Variants in C16orf74 observed in about 807,000 individuals in gnomAD.
C16orf74 encodes uncharacterized protein C16orf74.
C16orf74 carries 10 observed loss-of-function variants against 6.5 expected under a neutral mutation model. The ratio of observed to expected loss-of-function variants is 1.54; its 90% confidence interval spans 0.95 to 2.61. The LOEUF (loss-of-function observed/expected upper bound fraction) is 2.61. Among genes scored for constraint, C16orf74 ranks in the 30% most tolerant of loss-of-function variants. The pLI is 0.00. For missense variants in C16orf74, 141 were observed against 105.9 expected (o/e 1.33, Z -1.45); for synonymous variants, 60 against 42.5 (o/e 1.41, Z -1.60).
intron 3 of C16orf74, among the ~76,000 whole-genome samples, chr16:85,709,594 T>A (rs1403510429): frequency 6.6e-6 from 1 of 152,086 alleles, no homozygotes; most frequent in Admixed American, 6.5e-5. Flanking sequence ...AATGAATACA[T>A]GAACAATTTG....
intron 2 of C16orf74, among the ~76,000 whole-genome samples, chr16:85,733,174 G>C (rs1196524725): frequency 6.6e-6 from 1 of 152,190 alleles, no homozygotes; most frequent in East Asian, 1.9e-4. Context: ...TGGAGAAGTG[G>C]ATAAAGAAAA....
At chr16:85,730,132 C>A (rs1202607880) in intron 2 of C16orf74, among the ~76,000 whole-genome samples, 1 of 152,098 alleles carries the variant, frequency 6.6e-6, no homozygotes, top group Non-Finnish European at 1.5e-5. Flanking sequence ...GTGGCGAGGG[C>A]TGGGGCTGTG....
At chr16:85,710,433 A>C in intron 2 of C16orf74, 126 bp from the exon 3 acceptor site, 1 of 860,936 alleles carries the variant, frequency 1.2e-6, no homozygotes, top group Non-Finnish European at 1.7e-6. Context: ...CCTCGCAGCA[A>C]GGAGCGCAGC....
At chr16:85,735,990 C>T (rs1389367200) in intron 1 of C16orf74, among the ~76,000 whole-genome samples, 3 of 152,174 alleles carry the variant, frequency 2.0e-5, no homozygotes, top group South Asian at 4.1e-4. Flanking sequence ...CCCAAGGCTA[C>T]CAGCTTACTA....
At chr16:85,713,851 C>T (rs1023307991) in intron 2 of C16orf74, among the ~76,000 whole-genome samples, 3 of 152,166 alleles carry the variant, frequency 2.0e-5, no homozygotes, top group African/African-American at 4.8e-5. Context: ...CATGGCTCCA[C>T]GAGGAGAGGA....
chr16:85,729,758 A>C (rs2054169075), intron 2 of C16orf74, among the ~76,000 whole-genome samples: 1 of 152,176 alleles, frequency 6.6e-6, no homozygotes, highest in South Asian at 2.1e-4. Context: ...GAAGAGAGGA[A>C]GGCCACGTGA....
At chr16:85,718,893 CGA>C (rs888988786) in intron 2 of C16orf74, among the ~76,000 whole-genome samples, 5 of 152,234 alleles carry the variant, frequency 3.3e-5, no homozygotes, top group African/African-American at 1.2e-4. Flanking sequence ...GTTCCAGCCC[CGA>C]GTGTGGGTCG....
chr16:85,722,662 C>T (rs369519914), intron 2 of C16orf74, among the ~76,000 whole-genome samples: 1 of 152,224 alleles, frequency 6.6e-6, no homozygotes, highest in South Asian at 2.1e-4. Flanking sequence ...ACTCCGACAG[C>T]AGCAACATGC....
intron 1 of C16orf74, among the ~76,000 whole-genome samples, chr16:85,736,744 T>C (rs1190098718): frequency 6.6e-6 from 1 of 152,208 alleles, no homozygotes; most frequent in African/African-American, 2.4e-5. Context: ...AAGACTTCAC[T>C]TTCCTCATCT....
At position 85,708,020 on chromosome 16, in the gene C16orf74, G is replaced by T; in HGVS notation, c.219C>A (p.Asp73Glu). 1 of 1,553,002 alleles carries T rather than the reference G, an allele frequency of 6.4e-7. No individual in the cohort carries two copies. The highest frequency in any genetic ancestry group is 8.7e-7 in the Non-Finnish European group (1 of 1,147,722). Residue 73 changes from aspartate (D) to glutamate (E), a missense_variant, in exon 4 of 4, where the codon GAC (aspartate) becomes GAA (glutamate). Coordinates refer to ENST00000284245, the MANE Select transcript of C16orf74 (RefSeq NM_206967.3). Reference sequence around the variant, plus strand: ...CCAGGACACCTCCTCAGGCTTCTGGGTCGATTTCTCCATCATCTGGGCACG... The same window carrying T: ...CCAGGACACCTCCTCAGGCTTCTGGTTCGATTTCTCCATCATCTGGGCACG... Reference protein sequence around the residue: ...TGSCPDDGEIDPEA With the variant: ...TGSCPDDGEIEPEA
At chr16:85,735,127 T>TG in intron 2 of C16orf74, 63 bp downstream of exon 2, 3 of 1,499,504 alleles carry the variant, frequency 2.0e-6, no homozygotes, top group Non-Finnish European at 2.7e-6. Context: ...CCCTCTCTCC[T>TG]GCCCCCCAAC....
At chr16:85,713,506 C>A (rs1247390568) in intron 2 of C16orf74, among the ~76,000 whole-genome samples, 2 of 152,202 alleles carry the variant, frequency 1.3e-5, no homozygotes, top group Non-Finnish European at 2.9e-5. Flanking sequence ...CTCCTGACCT[C>A]AGGTGATCTG....
intron 1 of C16orf74, among the ~76,000 whole-genome samples, chr16:85,748,958 T>A (rs935789051): frequency 4.0e-5 from 6 of 151,478 alleles, no homozygotes; most frequent in East Asian, 1.9e-4. Flanking sequence ...ATTTTATTTT[T>A]TTTTAGAGAA....
In C16orf74 at chr16:85,729,128, C is replaced by G. The variant is rs1237640547; in HGVS notation, c.28+6062G>C. Among the ~76,000 whole-genome samples, 3 of 152,204 alleles carry G rather than the reference C, an allele frequency of 2.0e-5. No individual in the cohort carries two copies. In the East Asian group the frequency reaches 5.8e-4, roughly 29 times the overall value. On this transcript the variant is annotated intron_variant, in intron 2 of 3. Transcript: ENST00000284245. ...CTTAGGAACCAAGGAGACGACTCCC[C>G]CTTTCCCCTTCCGTCTGTGGAGCCA... is the stretch of plus-strand genomic sequence containing the variant.
In C16orf74 at chr16:85,708,677, G is replaced by C. The variant is rs138998612; in HGVS notation, c.173-611C>G. ...CCAGGCACTTGGAAAGGTCACAGAG[G>C]AATGCGCCCCATTGCACCCACCATG... On this transcript the variant is annotated intron_variant, in intron 3 of 3. Transcript: ENST00000284245. 1.1e-3 allele frequency among the ~76,000 whole-genome samples: 164 copies of C among 152,310 alleles called. 1 individual carries two copies. The highest frequency in any genetic ancestry group is 3.8e-3 in the African/African-American group (157 of 41,566).
At chr16:85,748,146 GTATA>G (rs1203599366) in intron 1 of C16orf74, among the ~76,000 whole-genome samples, 39 of 71,510 alleles carry the variant, frequency 5.5e-4, no homozygotes, top group African/African-American at 1.2e-3. Flanking sequence ...ATATGTGTGT[GTATA>G]TATATATATG....
chr16:85,750,435 C>T (rs1030042350), intron 1 of C16orf74, among the ~76,000 whole-genome samples: 2 of 152,240 alleles, frequency 1.3e-5, no homozygotes, highest in Non-Finnish European at 2.9e-5. Flanking sequence ...CGGTTGCAAA[C>T]CTGCTTTGAT....
At chr16:85,726,177 A>G (rs182944033) in intron 2 of C16orf74, among the ~76,000 whole-genome samples, 5 of 151,188 alleles carry the variant, frequency 3.3e-5, no homozygotes, top group Admixed American at 2.0e-4. Flanking sequence ...CCTTCACAGC[A>G]CTCACCACGA....
At chr16:85,749,439 C>A (rs767600081) in intron 1 of C16orf74, among the ~76,000 whole-genome samples, 7 of 152,096 alleles carry the variant, frequency 4.6e-5, no homozygotes, top group Non-Finnish European at 8.8e-5. Flanking sequence ...GTATGCACCA[C>A]ACCCAGCTCA....
Sources: allele counts gnomAD v4.1 joint callset (sites outside exome capture counted in the v4.1 genomes callset), GRCh38; gene constraint gnomAD v4.1.1; transcripts MANE v1.5; gene names NCBI Gene and HGNC (gene_info 2026-07-23, HGNC 2026-07-21).